The following ZNF385D variants were observed in gnomAD, a reference collection of about 807,000 sequenced individuals.
The protein encoded by ZNF385D is zinc finger protein 659.
ZNF385D carries 15 observed loss-of-function variants against 35.8 expected under a neutral mutation model. The ratio of observed to expected loss-of-function variants is 0.42; its 90% CI spans 0.28 to 0.64. The LOEUF is 0.64. Among genes scored for constraint, ZNF385D ranks in the 30% least tolerant of loss-of-function variants. The pLI, the probability that ZNF385D is intolerant of heterozygous loss-of-function variation, is 0.23. For missense variants in ZNF385D, 474 were observed against 494.6 expected (o/e 0.96, Z 0.39); for synonymous variants, 212 against 186.8 (o/e 1.13, Z -1.10).
At chr3:21,885,789 G>T (rs551445035) in intron 3 of ZNF385D, among the ~76,000 whole-genome samples, 163 of 147,018 alleles carry the variant, frequency 1.1e-3, no homozygotes, top group African/African-American at 3.9e-3. Context: ...GAAAGAAAGA[G>T]AGACCGATTT....
chr3:21,425,079 T>A (rs553383037), intron 6 of ZNF385D, among the ~76,000 whole-genome samples: 1 of 152,168 alleles, frequency 6.6e-6, no homozygotes, highest in African/African-American at 2.4e-5. Flanking sequence ...AATAGCTCAG[T>A]GTAAAATTAC....
chr3:21,834,949 T>C (rs189756684), intron 3 of ZNF385D, among the ~76,000 whole-genome samples: 77 of 152,280 alleles, frequency 5.1e-4, no homozygotes, highest in African/African-American at 1.5e-3. Flanking sequence ...GGTGAGTCAA[T>C]TGAATCTCTT....
At chr3:21,815,967 A>G (rs1352061165) in intron 3 of ZNF385D, among the ~76,000 whole-genome samples, 4 of 152,204 alleles carry the variant, frequency 2.6e-5, no homozygotes, top group African/African-American at 9.6e-5. Flanking sequence ...GTAGCACATT[A>G]AAAAGCTTAA....
At chr3:21,943,296 A>ATG (rs1043397376) in intron 3 of ZNF385D, among the ~76,000 whole-genome samples, 7 of 150,676 alleles carry the variant, frequency 4.6e-5, no homozygotes, top group South Asian at 2.1e-4. Flanking sequence ...GTGTGTATAG[A>ATG]TGTGTGTGTG....
intron 2 of ZNF385D, among the ~76,000 whole-genome samples, chr3:22,249,260 C>T (rs78013578): frequency 2.7e-4 from 41 of 152,240 alleles, no homozygotes; most frequent in African/African-American, 9.4e-4. Flanking sequence ...CATTGCAATA[C>T]ACAACCAGAA....
At chr3:22,036,691 G>C (rs1055795946) in intron 3 of ZNF385D, among the ~76,000 whole-genome samples, 23 of 147,554 alleles carry the variant, frequency 1.6e-4, no homozygotes, top group Middle Eastern at 3.3e-3. Flanking sequence ...ATACGAGAAA[G>C]AAGAGTAGCC....
chr3:21,962,263 T>C (rs990358854), intron 3 of ZNF385D, among the ~76,000 whole-genome samples: 5 of 151,904 alleles, frequency 3.3e-5, no homozygotes, highest in African/African-American at 1.2e-4. Flanking sequence ...AGAGGTAAGA[T>C]CAATAGGTGA....
intron 3 of ZNF385D, among the ~76,000 whole-genome samples, chr3:22,058,265 A>G (rs1699511646): frequency 2.0e-5 from 3 of 152,244 alleles, no homozygotes; most frequent in Non-Finnish European, 2.9e-5. Flanking sequence ...AGTCAACTCA[A>G]TGTTGCTTAA....
At chr3:22,024,037 C>A (rs987845903) in intron 3 of ZNF385D, among the ~76,000 whole-genome samples, 6 of 152,086 alleles carry the variant, frequency 3.9e-5, no homozygotes, top group African/African-American at 1.2e-4. Context: ...AGTAAGTGGA[C>A]TGGGAAAGGC....
intron 3 of ZNF385D, among the ~76,000 whole-genome samples, chr3:22,074,407 G>T (rs541481394): frequency 6.6e-6 from 1 of 152,058 alleles, no homozygotes; most frequent in East Asian, 1.9e-4. Flanking sequence ...ATTTTTCTAT[G>T]GGTGGAGCTA....
At chr3:21,683,878 G>A (rs887909017) in intron 1 of ZNF385D, among the ~76,000 whole-genome samples, 1 of 150,038 alleles carries the variant, frequency 6.7e-6, no homozygotes, top group African/African-American at 2.5e-5. Context: ...TTGAGAAACA[G>A]ATTTTTAACA....
At chr3:21,823,925 C>T in intron 3 of ZNF385D, among the ~76,000 whole-genome samples, 1 of 152,170 alleles carries the variant, frequency 6.6e-6, no homozygotes, top group Non-Finnish European at 1.5e-5. Context: ...CATCAAATCT[C>T]AGGTGAAGTT....
At chr3:22,367,768 A>T (rs1328336627) in intron 2 of ZNF385D, among the ~76,000 whole-genome samples, 1 of 152,174 alleles carries the variant, frequency 6.6e-6, no homozygotes, top group Non-Finnish European at 1.5e-5. Flanking sequence ...CTTCTATTAT[A>T]CAAATTGCGG....
intron 3 of ZNF385D, among the ~76,000 whole-genome samples, chr3:22,138,345 A>G (rs992897711): frequency 6.6e-6 from 1 of 152,054 alleles, no homozygotes; most frequent in Non-Finnish European, 1.5e-5. Context: ...TCAAAATAGA[A>G]CCCGCATTGC....
At chr3:22,336,343 C>G (rs940752973) in intron 2 of ZNF385D, among the ~76,000 whole-genome samples, 2 of 152,004 alleles carry the variant, frequency 1.3e-5, no homozygotes, top group Non-Finnish European at 2.9e-5. Context: ...AAACTTAATT[C>G]TTTTTTTATT....
rs115330711 is a variant in ZNF385D at position 21,952,411 on chromosome 3, C to T, written c.325+216406G>A. Among the ~76,000 whole-genome samples, 346 of 152,034 alleles carry T rather than the reference C, an allele frequency of 2.3e-3. 3 individuals are homozygous for T. The highest frequency in any genetic ancestry group is 7.9e-3 in the African/African-American group (328 of 41,506). On this transcript the variant is annotated intron_variant, in intron 3 of 5. Transcript: ENST00000494108. ...TAGGAGAGGCATCAATCAACATCAA[C>T]ATGATACAAAATTGTTTGCCTTAAT...
chr3:22,372,124 C>CG (rs1241952149), intron 2 of ZNF385D, among the ~76,000 whole-genome samples: 2 of 152,108 alleles, frequency 1.3e-5, no homozygotes, highest in Admixed American at 1.3e-4. Flanking sequence ...ACCTCGCCCC[C>CG]CCGCCTCGGC....
chr3:21,530,908 T>A (rs1296283054), intron 3 of ZNF385D, among the ~76,000 whole-genome samples: 1 of 152,146 alleles, frequency 6.6e-6, no homozygotes, highest in Non-Finnish European at 1.5e-5. Context: ...CATCAAATGT[T>A]GTTACAATCC....
chr3:22,197,916 T>C (rs1327525083), intron 2 of ZNF385D, among the ~76,000 whole-genome samples: 1 of 152,130 alleles, frequency 6.6e-6, no homozygotes, highest in Non-Finnish European at 1.5e-5. Context: ...TGTTATCATT[T>C]TATGTAGCTT....
Sources: allele counts gnomAD v4.1 joint callset (sites outside exome capture counted in the v4.1 genomes callset), GRCh38; gene constraint gnomAD v4.1.1; transcripts MANE v1.5; gene names NCBI Gene and HGNC (gene_info 2026-07-23, HGNC 2026-07-21).